CCDC158: variants seen among roughly 807,000 people sequenced by gnomAD.
CCDC158 encodes coiled-coil domain containing 158.
A neutral mutation model predicts 138.6 loss-of-function variants in CCDC158; 116 were observed. That is an observed-to-expected ratio of 0.84 (90% confidence interval 0.72 to 0.98). The LOEUF (loss-of-function observed/expected upper bound fraction) is 0.98. Ranked by LOEUF, CCDC158 falls within the 50% of genes least tolerant of loss-of-function variation. The pLI, the probability that CCDC158 is intolerant of heterozygous loss-of-function variation, is 0.00. For synonymous variants in CCDC158, 436 were observed against 442.4 expected (o/e 0.99, Z 0.18); for missense variants, 1,265 against 1,306.1 (o/e 0.97, Z 0.48).
intron 5 of CCDC158, 36 bp from the exon 6 acceptor site, chr4:76,384,451 T>C (rs1287489743): frequency 7.0e-6 from 11 of 1,578,846 alleles, no homozygotes; most frequent in Non-Finnish European, 6.1e-6. Context: ...ATAACATTGA[T>C]AAAACTCATA....
chr4:76,341,579 C>T (rs1414070081), intron 18 of CCDC158, among the ~76,000 whole-genome samples: 2 of 152,168 alleles, frequency 1.3e-5, no homozygotes, highest in East Asian at 1.9e-4. Context: ...GAATCTGATA[C>T]ACAACCAAAA....
intron 18 of CCDC158, among the ~76,000 whole-genome samples, chr4:76,347,297 A>C (rs1437664163): frequency 6.6e-6 from 1 of 152,160 alleles, no homozygotes; most frequent in Non-Finnish European, 1.5e-5. Flanking sequence ...GCAATGATAG[A>C]CTGGATAATG....
intron 24 of CCDC158, among the ~76,000 whole-genome samples, chr4:76,319,144 C>G (rs1478793926): frequency 6.6e-6 from 1 of 151,822 alleles, no homozygotes; most frequent in Non-Finnish European, 1.5e-5. Context: ...TGCTGGTGGG[C>G]GCCTGTAGTC....
At chr4:76,376,953 G>T (rs1481407282) in intron 9 of CCDC158, among the ~76,000 whole-genome samples, 4 of 152,288 alleles carry the variant, frequency 2.6e-5, no homozygotes, top group African/African-American at 9.6e-5. Flanking sequence ...CAAAATAAGA[G>T]AATGATTCTA....
At chr4:76,359,903 A>G (rs1723965929) in intron 13 of CCDC158, among the ~76,000 whole-genome samples, 1 of 152,258 alleles carries the variant, frequency 6.6e-6, no homozygotes, top group Non-Finnish European at 1.5e-5. Context: ...AAATGTTCAT[A>G]GCTAAGACAA....
In CCDC158 at chr4:76,396,381, A is replaced by G. The variant is rs759743997; in HGVS notation, c.176T>C (p.Val59Ala). 3 of 1,613,896 alleles carry G rather than the reference A, an allele frequency of 1.9e-6. No homozygotes were observed. The highest frequency in any genetic ancestry group is 2.5e-6 in the Non-Finnish European group (3 of 1,179,824). The change falls in exon 4 of 25, where the codon GTG becomes GCG. Residue 59 changes from valine (V) to alanine (A), a missense_variant. Physicochemically the swap from Val to Ala is moderately conservative, Grantham distance 64. Transcript: ENST00000682701. Reference sequence around the variant, plus strand: ...GATTTTTCTAGGAGAATCAAGTTCCACTTCATATTTAGGGAAAAAAGGAAC... The same window carrying G: ...GATTTTTCTAGGAGAATCAAGTTCCGCTTCATATTTAGGGAAAAAAGGAAC... ...TQVPFFPKYEVELDSPRKIIP... is the reference protein window; with the variant it reads ...TQVPFFPKYEAELDSPRKIIP...
intron 24 of CCDC158, among the ~76,000 whole-genome samples, chr4:76,315,790 C>G (rs930030425): frequency 6.6e-6 from 1 of 152,316 alleles, no homozygotes; most frequent in South Asian, 2.1e-4. Flanking sequence ...AATCACATCA[C>G]AGCACTCTTT....
intron 18 of CCDC158, among the ~76,000 whole-genome samples, chr4:76,336,184 A>AAC (rs1721479547): frequency 1.1e-5 from 1 of 92,346 alleles, no homozygotes; most frequent in African/African-American, 3.8e-5. Flanking sequence ...TCTGTCTCAA[A>AAC]AAAAAAAAAA....
chr4:76,366,450 A>G (rs1724671553), intron 12 of CCDC158, among the ~76,000 whole-genome samples: 1 of 151,840 alleles, frequency 6.6e-6, no homozygotes, highest in African/African-American at 2.4e-5. Context: ...TAATCCTATG[A>G]AATCAATTTT....
intron 23 of CCDC158, among the ~76,000 whole-genome samples, chr4:76,325,576 G>C (rs572897652): frequency 1.3e-5 from 2 of 152,038 alleles, no homozygotes; most frequent in Non-Finnish European, 2.9e-5. Context: ...ATTTAAAAGA[G>C]GATCCAAAAT....
At position 76,331,376 on chromosome 4, in the gene CCDC158, A is replaced by G. The variant is rs1433616708; in HGVS notation, c.2910T>C (p.Thr970=). Residue 970 remains threonine (T), a synonymous_variant, in exon 21 of 25, where the codon ACT becomes ACC. Transcript: ENST00000682701. ...GAGTTTCACTTGATTTGCTTCCTTC[A>G]GTGGAGTCCCTCAACGAGTTGTTGC... ...HRSNNSLRDS[T]EGSKSSETLS... 2.5e-6 allele frequency: 4 copies of G among 1,614,052 alleles called. No individual in the cohort carries two copies. Among genetic ancestry groups the G allele is most frequent in the Non-Finnish European group, 3.4e-6 (4 of 1,179,928 alleles).
At chr4:76,318,205 C>T (rs1361004369) in intron 24 of CCDC158, among the ~76,000 whole-genome samples, 1 of 151,910 alleles carries the variant, frequency 6.6e-6, no homozygotes. Flanking sequence ...AAAAACAATA[C>T]AAAAGACAAA....
chr4:76,345,161 C>T, intron 18 of CCDC158: 1 of 1,020,968 alleles, frequency 9.8e-7, no homozygotes, highest in African/African-American at 1.6e-5. Flanking sequence ...CCACAGTCAT[C>T]AAAAAGTACC....
intron 8 of CCDC158, among the ~76,000 whole-genome samples, chr4:76,380,743 C>T (rs2110294551): frequency 6.6e-6 from 1 of 152,310 alleles, no homozygotes; most frequent in East Asian, 1.9e-4. Context: ...GAAAATGTCT[C>T]CGGGGCATGT....
At chr4:76,393,243 C>T (rs957516688) in intron 4 of CCDC158, among the ~76,000 whole-genome samples, 1 of 152,000 alleles carries the variant, frequency 6.6e-6, no homozygotes, top group African/African-American at 2.4e-5. Flanking sequence ...CACTACAGAG[C>T]TACAGTAACC....
At chr4:76,368,932 T>C (rs182751250) in intron 11 of CCDC158, among the ~76,000 whole-genome samples, 3 of 152,312 alleles carry the variant, frequency 2.0e-5, no homozygotes, top group African/African-American at 7.2e-5. Flanking sequence ...TGTCTATATA[T>C]AGGCCGGGCG....
At chr4:76,328,347 C>T (rs1481225108) in intron 22 of CCDC158, among the ~76,000 whole-genome samples, 2 of 152,220 alleles carry the variant, frequency 1.3e-5, no homozygotes, top group South Asian at 4.1e-4. Flanking sequence ...CCTTGCACAG[C>T]TCTTGTCTCA....
chr4:76,399,820 T>C (rs562870148), intron 3 of CCDC158, among the ~76,000 whole-genome samples: 63 of 152,248 alleles, frequency 4.1e-4, no homozygotes, highest in Non-Finnish European at 7.1e-4. Flanking sequence ...GCTGAAGATA[T>C]GAATGAGCAG....
rs991811552 is a variant in CCDC158, at chr4:76,329,113, A to G, written c.2943-146T>C. On this transcript the variant is annotated intron_variant, in intron 21 of 24. Transcript: ENST00000682701. Reference sequence around the variant, plus strand: ...AATCATAACCCTAAAGTCCTAAAATACTCTAAGAGGTAGGTTCAAAGTTGC... The same window carrying G: ...AATCATAACCCTAAAGTCCTAAAATGCTCTAAGAGGTAGGTTCAAAGTTGC... The G allele has an allele frequency of 1.5e-5, 9 of 616,462 alleles. No homozygotes were observed. In the African/African-American group the frequency reaches 1.7e-4, roughly 11 times the overall value. The allele number at this position is 616,462 out of a possible 1,614,324, so 38.2% of individuals were successfully genotyped here. A position where few individuals can be genotyped will look rare whatever the true frequency, so the allele number is the denominator to read the frequency against.
Sources: gnomAD v4.1 joint callset for allele counts (sites outside exome capture counted in the v4.1 genomes callset) on GRCh38, gnomAD v4.1.1 for gene constraint, MANE v1.5 for transcripts, NCBI Gene and HGNC (gene_info 2026-07-23, HGNC 2026-07-21) for gene names.